The following COL12A1 variants were observed in gnomAD, a reference collection of about 807,000 sequenced individuals.
The protein encoded by COL12A1 is collagen alpha-1(XII) chain.
A neutral mutation model predicts 349.7 loss-of-function variants in COL12A1; 114 were observed. The observed-to-expected ratio is 0.33, with a 90% CI of 0.28 to 0.38. COL12A1 has a LOEUF of 0.38. Ranked by LOEUF, COL12A1 falls within the 10% of genes least tolerant of loss-of-function variation. COL12A1 has a pLI of 1.00. For missense variants in COL12A1, 3,284 were observed against 3,756.9 expected (o/e 0.87, Z 3.29); for synonymous variants, 1,369 against 1,329.0 (o/e 1.03, Z -0.66).
intron 58 of COL12A1, among the ~76,000 whole-genome samples, chr6:75,097,623 T>C (rs1019839953): frequency 6.6e-6 from 1 of 152,210 alleles, no homozygotes; most frequent in African/African-American, 2.4e-5. Context: ...CATGAAGATA[T>C]TATTTTTTGT....
chr6:75,159,685 G>A (rs1385509038), intron 14 of COL12A1, among the ~76,000 whole-genome samples: 1 of 151,234 alleles, frequency 6.6e-6, no homozygotes, highest in African/African-American at 2.4e-5. Context: ...TTACTCAGTG[G>A]AACAAGACAT....
intron 51 of COL12A1, among the ~76,000 whole-genome samples, chr6:75,112,791 A>G (rs1562137555): frequency 6.6e-6 from 1 of 151,566 alleles, no homozygotes; most frequent in Non-Finnish European, 1.5e-5. Context: ...CAGAAGAAAT[A>G]TCAATTTCTG....
rs2149327822 is a variant in COL12A1 at position 75,090,765 on chromosome 6, C to T, written c.8753-467G>A. On this transcript the variant is annotated intron_variant, in intron 62 of 65. Transcript: ENST00000322507. This position sits in a 1 kb window ranked among gnomAD's most constrained non-coding sequence, Gnocchi z 4.1. ...TCTCCAAAGTCAATGATTCACTAAGCTTAGGGCATGGTGCAGGAACTCACT... is the reference window on the plus strand; with the variant it reads ...TCTCCAAAGTCAATGATTCACTAAGTTTAGGGCATGGTGCAGGAACTCACT... Among the ~76,000 whole-genome samples, 1 of 152,294 alleles carries T rather than the reference C, an allele frequency of 6.6e-6. No individual in the cohort carries two copies. The highest frequency in any genetic ancestry group is 1.9e-4 in the East Asian group (1 of 5,192).
At position 75,143,291 on chromosome 6, in the gene COL12A1, A is replaced by G. The variant is rs749072028; in HGVS notation, c.4788T>C (p.Tyr1596=). ...WEPVPGKVRK[Y]IVRYKTPEED... ...CTTCTGGTGTTTTGTATCGAACAAT[A>G]TATTTACGCACTTTTCCAGGCACAG... Residue 1596 remains tyrosine (Y), a synonymous_variant, in exon 26 of 66, where the codon TAT becomes TAC. Transcript: ENST00000322507. 6.2e-7 allele frequency: 1 copy of G among 1,613,874 alleles called. No individual in the cohort carries two copies. The highest frequency in any genetic ancestry group is 1.3e-5 in the African/African-American group (1 of 74,924).
chr6:75,162,431 T>C (rs1768072559), intron 14 of COL12A1, among the ~76,000 whole-genome samples: 1 of 152,196 alleles, frequency 6.6e-6, no homozygotes, highest in Non-Finnish European at 1.5e-5. Context: ...ATTTAATAAA[T>C]GGTGTTGGGA....
At position 75,116,027 on chromosome 6, in the gene COL12A1, G is replaced by A. The variant is rs1468041100; in HGVS notation, c.7550C>T (p.Thr2517Ile). 6.2e-7 allele frequency: 1 copy of A among 1,613,244 alleles called. No homozygotes were observed. Among genetic ancestry groups the A allele is most frequent in the Non-Finnish European group, 8.5e-7 (1 of 1,179,570 alleles). The stretch of plus-strand genomic sequence containing the variant: ...AAAGTATAAATGCTTACCTGGTGAG[G>A]TGTAGCCATCCAAATAAATGAGAGG... ...SCPLIYLDGY[T>I]SPGFKMLEAY... Residue 2517 changes from threonine (T) to isoleucine (I), a missense_variant, in exon 48 of 66, where the codon ACC becomes ATC. This residue lies in a region of COL12A1 where 683 missense variants were observed against 932.1 expected (regional missense o/e 0.73). Transcript: ENST00000322507.
chr6:75,144,753 C>T (rs147330995), intron 25 of COL12A1, among the ~76,000 whole-genome samples: 5 of 152,336 alleles, frequency 3.3e-5, no homozygotes, highest in African/African-American at 1.2e-4. Flanking sequence ...TATAATTTCA[C>T]AGTGGTATTC....
intron 65 of COL12A1, 106 bp from the exon 66 acceptor site, chr6:75,086,663 T>C (rs1235299512): frequency 8.3e-6 from 3 of 362,850 alleles, no homozygotes; most frequent in Non-Finnish European, 4.5e-6. Context: ...TATATATATA[T>C]ATATATATAT....
intron 8 of COL12A1, among the ~76,000 whole-genome samples, chr6:75,185,876 C>A (rs1203013146): frequency 1.3e-5 from 2 of 152,150 alleles, no homozygotes; most frequent in Non-Finnish European, 2.9e-5. Flanking sequence ...AAAGGACCCC[C>A]TATTCAATAA....
chr6:75,112,490 C>T (rs140830260), intron 51 of COL12A1, among the ~76,000 whole-genome samples: 48 of 151,464 alleles, frequency 3.2e-4, no homozygotes, highest in Admixed American at 7.9e-4. Context: ...TATTTGTCAA[C>T]GAATTGTCCT....
intron 14 of COL12A1, among the ~76,000 whole-genome samples, chr6:75,160,989 TCACC>T (rs1767999301): frequency 6.6e-6 from 1 of 152,178 alleles, no homozygotes; most frequent in Non-Finnish European, 1.5e-5. Context: ...ACATAATTAT[TCACC>T]CATTTATTCC....
At chr6:75,093,809 A>G (rs1488971776) in intron 60 of COL12A1, among the ~76,000 whole-genome samples, 1 of 152,190 alleles carries the variant, frequency 6.6e-6, no homozygotes. Context: ...GCCGATATTT[A>G]GAGATCATAT....
intron 14 of COL12A1, among the ~76,000 whole-genome samples, chr6:75,159,386 G>A (rs978790878): frequency 5.4e-5 from 8 of 147,302 alleles, no homozygotes; most frequent in Admixed American, 2.7e-4. Context: ...CTCCAGGTAC[G>A]TGAACTATTA....
In COL12A1 at chr6:75,147,814, A is replaced by G. The variant is rs776440408; in HGVS notation, c.4288-10T>C. 6.2e-7 allele frequency: 1 copy of G among 1,611,272 alleles called. No homozygotes were observed. Among genetic ancestry groups the G allele is most frequent in the East Asian group, 2.2e-5 (1 of 44,772 alleles). Reference sequence around the variant, plus strand: ...TTCGACTCACATAAAACTAGGGGGAAAAATTAAACAGAGCAACAACGTATG... The same window carrying G: ...TTCGACTCACATAAAACTAGGGGGAGAAATTAAACAGAGCAACAACGTATG... On this transcript the variant is annotated splice_polypyrimidine_tract_variant and intron_variant, in intron 22 of 65. Coordinates refer to ENST00000322507, the MANE Select transcript of COL12A1 (RefSeq NM_004370.6).
chr6:75,183,343 G>A lies in COL12A1; in HGVS notation c.1598C>T (p.Pro533Leu), dbSNP rs1376599796. ...MTYVREKIFV[P>L]SKGSRSNVPK... The stretch of plus-strand genomic sequence containing the variant: ...CACATTGCTTCTTGATCCCTTGCTA[G>A]GCACAAATATTTTCTCTCTGACATA... Residue 533 changes from proline (P) to leucine (L), a missense_variant, in exon 10 of 66, where the codon CCT becomes CTT. Physicochemically the swap from Pro to Leu is moderately conservative, Grantham distance 98 (BLOSUM62 -3). Coordinates refer to ENST00000322507, the MANE Select transcript of COL12A1 (RefSeq NM_004370.6). The A allele has an allele frequency of 1.2e-6, 2 of 1,614,052 alleles. No individual in the cohort carries two copies. The highest frequency in any genetic ancestry group is 1.3e-5 in the African/African-American group (1 of 74,920).
chr6:75,087,459 A>G (rs1306500491), intron 65 of COL12A1, 118 bp downstream of exon 65: 1 of 920,098 alleles, frequency 1.1e-6, no homozygotes, highest in Non-Finnish European at 1.7e-6. Flanking sequence ...TCAGAACTGA[A>G]AGAGTTGTTA....
intron 49 of COL12A1, among the ~76,000 whole-genome samples, chr6:75,114,410 G>T (rs1171943397): frequency 2.0e-5 from 3 of 151,944 alleles, no homozygotes; most frequent in African/African-American, 7.2e-5. Flanking sequence ...ATGTTTATTG[G>T]CCCTCAGCTG....
intron 16 of COL12A1, 104 bp downstream of exon 16, chr6:75,155,558 G>A (rs1358901608): frequency 8.8e-7 from 1 of 1,137,530 alleles, no homozygotes; most frequent in Non-Finnish European, 1.2e-6. Context: ...CTGGCAAACA[G>A]ACATATAAGT....
chr6:75,092,629 C>T (rs1767828583), intron 60 of COL12A1, among the ~76,000 whole-genome samples: 1 of 151,748 alleles, frequency 6.6e-6, no homozygotes, highest in Admixed American at 6.6e-5. Context: ...CAAACCAAGA[C>T]TCTTGCCTGA....
Sources: allele counts gnomAD v4.1 joint callset (sites outside exome capture counted in the v4.1 genomes callset), GRCh38; gene constraint gnomAD v4.1.1; regional missense constraint gnomAD v4.1.1; non-coding constraint Gnocchi (gnomAD v3.1); transcripts MANE v1.5; gene names NCBI Gene and HGNC (gene_info 2026-07-23, HGNC 2026-07-21).